DAB1: variants seen among roughly 807,000 people sequenced by gnomAD.
The protein encoded by DAB1 is disabled homolog 1.
In DAB1, 15 loss-of-function variants were observed where a neutral mutation model predicts 64.6. The ratio of observed to expected loss-of-function variants is 0.23; its 90% CI spans 0.16 to 0.36. DAB1 has a LOEUF of 0.36. Ranked by LOEUF, DAB1 falls within the 10% of genes least tolerant of loss-of-function variation. The pLI is 1.00. For synonymous variants in DAB1, 235 were observed against 251.9 expected, an observed-to-expected ratio of 0.93 and a Z score of 0.64; for missense variants, 596 against 706.7, an observed-to-expected ratio of 0.84 and a Z score of 1.78.
intron 1 of DAB1, among the ~76,000 whole-genome samples, chr1:57,327,967 C>T (rs1226906029): frequency 6.6e-6 from 1 of 152,098 alleles, no homozygotes; most frequent in Non-Finnish European, 1.5e-5. Flanking sequence ...ATTAGGATCT[C>T]TAAGAACCCC....
chr1:57,948,991 A>C lies in DAB1; in HGVS notation n.388-64829T>G, dbSNP rs111707368. On this transcript the variant is annotated intron_variant and non_coding_transcript_variant, in intron 5 of 20. Coordinates refer to the DAB1 transcript ENST00000485760. ...AATATTAATAATAACAATGTTATGA[A>C]CATCCATGCACTCACCAGCAATCTA... Among the ~76,000 whole-genome samples, 464 of 152,302 alleles carry C rather than the reference A, an allele frequency of 3.0e-3. 3 individuals carry two copies. Among genetic ancestry groups the C allele is most frequent in the African/African-American group, 0.011 (441 of 41,570 alleles).
intron 6 of DAB1, among the ~76,000 whole-genome samples, chr1:57,756,361 G>A (rs1648805571): frequency 6.6e-6 from 1 of 152,178 alleles, no homozygotes; most frequent in Non-Finnish European, 1.5e-5. Context: ...TAGGAGAAAG[G>A]TGTAGTGCAG....
Position 57,009,106 on chromosome 1 carries a change from T to G in DAB1, c.*15+1574A>C, listed in dbSNP as rs1037295585. Among the ~76,000 whole-genome samples, 6 of 152,216 alleles carry G rather than the reference T, an allele frequency of 3.9e-5. No individual in the cohort carries two copies. In the East Asian group the frequency reaches 1.2e-3, roughly 29 times the overall value. On this transcript the variant is annotated intron_variant, in intron 14 of 14. Transcript: ENST00000371236. ...AGTCATCTTTGTTTTCTAGAAGAAC[T>G]TCAATTTTAGGATGATGTTTGCTGT...
At chr1:58,002,110 A>G (rs1646514950) in intron 5 of DAB1, among the ~76,000 whole-genome samples, 1 of 152,190 alleles carries the variant, frequency 6.6e-6, no homozygotes, top group Non-Finnish European at 1.5e-5. Context: ...ACTTTTGGCC[A>G]CCAGAATTGC....
intron 1 of DAB1, chr1:58,533,945 G>C (rs751867181): frequency 2.3e-6 from 2 of 870,670 alleles, no homozygotes; most frequent in South Asian, 2.6e-5. Flanking sequence ...TTCATTTTAG[G>C]TACTTACAGC....
chr1:58,337,740 T>A (rs958222477), intron 4 of DAB1, among the ~76,000 whole-genome samples: 1 of 152,132 alleles, frequency 6.6e-6, no homozygotes, highest in South Asian at 2.1e-4. Flanking sequence ...TAATCATATA[T>A]GAAAATGGAC....
chr1:57,689,937 T>C (rs1172531336), intron 6 of DAB1, among the ~76,000 whole-genome samples: 1 of 152,086 alleles, frequency 6.6e-6, no homozygotes, highest in Non-Finnish European at 1.5e-5. Context: ...TAATCATAAT[T>C]CTATTCTCTA....
chr1:57,487,051 G>T (rs746369942), intron 7 of DAB1, among the ~76,000 whole-genome samples: 2 of 152,098 alleles, frequency 1.3e-5, no homozygotes, highest in Non-Finnish European at 2.9e-5. Context: ...CAGCTAGAAG[G>T]CTCCAAGCAA....
intron 4 of DAB1, among the ~76,000 whole-genome samples, chr1:57,130,231 C>T (rs909761808): frequency 5.9e-5 from 9 of 152,000 alleles, no homozygotes; most frequent in African/African-American, 1.9e-4. Context: ...TTTAACACCT[C>T]GAGCTTTTTA....
chr1:57,569,153 G>A (rs1338288275), intron 7 of DAB1, among the ~76,000 whole-genome samples: 1 of 148,354 alleles, frequency 6.7e-6, no homozygotes, highest in African/African-American at 2.5e-5. Flanking sequence ...AGCTACTCGG[G>A]AGGCTGAGGC....
chr1:58,096,609 T>C (rs1650999570), intron 5 of DAB1, among the ~76,000 whole-genome samples: 1 of 152,226 alleles, frequency 6.6e-6, no homozygotes, highest in Admixed American at 6.5e-5. Flanking sequence ...ATTGAGATGG[T>C]TCAACACTTG....
At chr1:58,369,617 C>T (rs1644246803) in intron 3 of DAB1, among the ~76,000 whole-genome samples, 1 of 152,196 alleles carries the variant, frequency 6.6e-6, no homozygotes, top group Admixed American at 6.5e-5. Context: ...CTAGCATGGG[C>T]AAGGAGCTGT....
intron 1 of DAB1, chr1:57,878,364 T>C (rs1217052228): frequency 6.6e-6 from 1 of 152,182 alleles, no homozygotes; most frequent in African/African-American, 2.4e-5. Context: ...TTCCAGACAA[T>C]TTGTGTTAAT....
intron 7 of DAB1, among the ~76,000 whole-genome samples, chr1:57,527,882 A>C (rs552819759): frequency 6.6e-6 from 1 of 152,268 alleles, no homozygotes; most frequent in African/African-American, 2.4e-5. Flanking sequence ...AAACAGTGCC[A>C]TTTCTATCAA....
intron 2 of DAB1, among the ~76,000 whole-genome samples, chr1:57,212,359 C>CTTTT (rs57653531): frequency 9.7e-5 from 8 of 82,176 alleles, no homozygotes; most frequent in Non-Finnish European, 1.3e-4. Flanking sequence ...ATATTATTTC[C>CTTTT]TTTTTTTTTT....
At chr1:58,040,569 T>C (rs1230065997) in intron 5 of DAB1, among the ~76,000 whole-genome samples, 1 of 152,236 alleles carries the variant, frequency 6.6e-6, no homozygotes, top group African/African-American at 2.4e-5. Flanking sequence ...CTCCCAACTT[T>C]TATTTTGACC....
chr1:57,166,424 C>T lies in DAB1; in HGVS notation c.68-20995G>A, dbSNP rs937529290. 5.3e-5 allele frequency among the ~76,000 whole-genome samples: 8 copies of T among 152,240 alleles called. No homozygotes were observed. In the South Asian group the frequency reaches 1.0e-3, roughly 20 times the overall value. On this transcript the variant is annotated intron_variant, in intron 2 of 14. Transcript: ENST00000371236. ...TGTATAACCTCGAGGAATTTACAAT[C>T]AAGTCAGAGTAGTAACACATAAACC...
At chr1:57,353,598 A>G (rs562177262) in intron 1 of DAB1, among the ~76,000 whole-genome samples, 4 of 152,246 alleles carry the variant, frequency 2.6e-5, no homozygotes, top group African/African-American at 7.2e-5. Context: ...ATTCACTTCT[A>G]TCTCATTTTG....
chr1:57,257,518 A>G (rs1669855238), intron 2 of DAB1, among the ~76,000 whole-genome samples: 1 of 152,242 alleles, frequency 6.6e-6, no homozygotes, highest in Non-Finnish European at 1.5e-5. Flanking sequence ...AACTGAGGCC[A>G]AGATAGGTGA....
Sources: allele counts gnomAD v4.1 joint callset (sites outside exome capture counted in the v4.1 genomes callset), GRCh38; gene constraint gnomAD v4.1.1; transcripts MANE v1.5; gene names NCBI Gene and HGNC (gene_info 2026-07-23, HGNC 2026-07-21).